Variants in CDK17 observed in about 807,000 individuals in gnomAD.
CDK17 encodes cyclin-dependent kinase 17.
Under a neutral mutation model 77.6 loss-of-function variants are expected in CDK17, and 24 were observed. That is an observed-to-expected ratio of 0.31 (90% CI 0.22 to 0.44). The LOEUF (loss-of-function observed/expected upper bound fraction) is 0.44. Among genes scored for constraint, CDK17 ranks in the 20% least tolerant of loss-of-function variants. The pLI, the probability that CDK17 is intolerant of heterozygous loss-of-function variation, is 1.00. For missense variants in CDK17, 429 were observed against 622.5 expected (o/e 0.69, Z 3.31); for synonymous variants, 203 against 210.4 (o/e 0.96, Z 0.30).
At chr12:96,333,916 T>A (rs1488862791) in intron 2 of CDK17, among the ~76,000 whole-genome samples, 1 of 152,082 alleles carries the variant, frequency 6.6e-6, no homozygotes, top group Non-Finnish European at 1.5e-5. Flanking sequence ...TTTAAGTGTA[T>A]CCAAAATCCA....
intron 1 of CDK17, among the ~76,000 whole-genome samples, chr12:96,363,959 T>C (rs1359893274): frequency 2.0e-5 from 3 of 152,364 alleles, no homozygotes; most frequent in South Asian, 2.1e-4. Context: ...CTTCTGTCTT[T>C]CAGTCCCTTA....
chr12:96,369,383 A>G (rs190323571), intron 1 of CDK17, among the ~76,000 whole-genome samples: 11 of 152,332 alleles, frequency 7.2e-5, no homozygotes, highest in African/African-American at 1.9e-4. Flanking sequence ...CAAATTAAGT[A>G]TTTCTTATAA....
intron 1 of CDK17, chr12:96,387,110 G>T: frequency 6.2e-6 from 2 of 321,388 alleles, no homozygotes; most frequent in South Asian, 3.5e-5. Context: ...CCACACCTGT[G>T]ACTGTTCCAT....
Position 96,355,398 on chromosome 12 carries a change from G to GTTTTTTT in CDK17, c.-29-20540_-29-20534dup, listed in dbSNP as rs58937020. 4.1e-5 allele frequency among the ~76,000 whole-genome samples: 3 copies of GTTTTTTT among 72,476 alleles called. 1 individual carries two copies. Among genetic ancestry groups the GTTTTTTT allele is most frequent in the Non-Finnish European group, 7.2e-5 (3 of 41,828 alleles). 47.5% of individuals were successfully genotyped at this position (72,476 alleles called of 152,430 possible). A position where few individuals can be genotyped will look rare whatever the true frequency, so the allele number is the denominator to read the frequency against. On this transcript the variant is annotated intron_variant, in intron 1 of 16. Transcript: ENST00000261211. Reference sequence around the variant, plus strand: ...CTTGCTGTCTAACATTCTACATTGGGTTTTTTTTTTTTTTTTTTTTTTTGG... The same window carrying GTTTTTTT: ...CTTGCTGTCTAACATTCTACATTGGGTTTTTTTTTTTTTTTTTTTTTTTTTTTTTTGG...
intron 1 of CDK17, among the ~76,000 whole-genome samples, chr12:96,384,020 G>A (rs1428730517): frequency 6.6e-6 from 1 of 151,494 alleles, no homozygotes; most frequent in African/African-American, 2.4e-5. Flanking sequence ...TCCAACAAAG[G>A]ACTAATATTC....
At chr12:96,380,294 T>G (rs1266635398) in intron 1 of CDK17, among the ~76,000 whole-genome samples, 4 of 151,250 alleles carry the variant, frequency 2.6e-5, no homozygotes, top group African/African-American at 9.7e-5. Flanking sequence ...TTTTTTTTTT[T>G]TTTTTTGAGA....
chr12:96,360,794 T>C (rs1394986994), intron 1 of CDK17, among the ~76,000 whole-genome samples: 1 of 152,198 alleles, frequency 6.6e-6, no homozygotes, highest in Non-Finnish European at 1.5e-5. Flanking sequence ...TCAGTAGCTA[T>C]TAATGTGATC....
At chr12:96,345,083 G>A (rs147482986) in intron 1 of CDK17, among the ~76,000 whole-genome samples, 34 of 152,240 alleles carry the variant, frequency 2.2e-4, no homozygotes, top group African/African-American at 7.7e-4. Context: ...GAGGTGTTTG[G>A]TTTTCTGTTT....
rs567326626 is a variant in CDK17 at position 96,343,812 on chromosome 12, A to G, written c.-29-8947T>C. Among the ~76,000 whole-genome samples, 43 of 152,320 alleles carry G rather than the reference A, an allele frequency of 2.8e-4. No homozygotes were observed. In the South Asian group the frequency reaches 8.7e-3, roughly 31 times the overall value. ...AGTGGCTAGGTCTCAACAAATAACC[A>G]CAAAGCACACAAACAGGAAAGCATG... On this transcript the variant is annotated intron_variant, in intron 1 of 16. Coordinates refer to ENST00000261211, the MANE Select transcript of CDK17 (RefSeq NM_002595.5).
Position 96,342,768 on chromosome 12 carries a change from C to T in CDK17, c.-29-7903G>A, listed in dbSNP as rs574417877. Among the ~76,000 whole-genome samples the T allele has an allele frequency of 2.7e-4, 41 of 151,858 alleles. No homozygotes were observed. The East Asian group carries it at 3.9e-3, about 14-fold the overall frequency. ...TCACCTGAGGTTGGGAGTTCAAGACCGCCTGATCAACATGGAGAAACCCCG... is the reference window on the plus strand; with the variant it reads ...TCACCTGAGGTTGGGAGTTCAAGACTGCCTGATCAACATGGAGAAACCCCG... On this transcript the variant is annotated intron_variant, in intron 1 of 16. Coordinates refer to ENST00000261211, the MANE Select transcript of CDK17 (RefSeq NM_002595.5).
At position 96,350,586 on chromosome 12, in the gene CDK17, T is replaced by C. The variant is rs1953295414; in HGVS notation, c.-29-15721A>G. Among the ~76,000 whole-genome samples, 3 of 152,142 alleles carry C rather than the reference T, an allele frequency of 2.0e-5. No individual in the cohort carries two copies. In the South Asian group the frequency reaches 6.2e-4, roughly 32 times the overall value. On this transcript the variant is annotated intron_variant, in intron 1 of 16. Coordinates refer to ENST00000261211, the MANE Select transcript of CDK17 (RefSeq NM_002595.5). ...CCCAAACACAGACTCTCACACCTGATTTTTGACAAAGGTACCAGGACCATT... is the reference window on the plus strand; with the variant it reads ...CCCAAACACAGACTCTCACACCTGACTTTTGACAAAGGTACCAGGACCATT...
At chr12:96,371,456 TATATTTAA>T (rs1229800947) in intron 1 of CDK17, among the ~76,000 whole-genome samples, 2 of 152,188 alleles carry the variant, frequency 1.3e-5, no homozygotes, top group Non-Finnish European at 2.9e-5. Context: ...GAACTAAATA[TATATTTAA>T]ATATTTAAAA....
chr12:96,282,634 T>C, intron 14 of CDK17, 35 bp from the exon 15 acceptor site: 1 of 1,403,508 alleles, frequency 7.1e-7, no homozygotes, highest in Non-Finnish European at 1.0e-6. Context: ...CATTAGCTTT[T>C]TCTCTAATTA....
intron 3 of CDK17, among the ~76,000 whole-genome samples, chr12:96,315,718 A>G (rs1225461654): frequency 6.6e-6 from 1 of 152,186 alleles, no homozygotes; most frequent in Non-Finnish European, 1.5e-5. Flanking sequence ...GCAAAAACAA[A>G]GAGAGGACTG....
At position 96,286,672 on chromosome 12, in the gene CDK17, C is replaced by T. The variant is rs1163127586; in HGVS notation, c.1208G>A (p.Arg403Gln). The change falls in exon 12 of 17, where the codon CGA becomes CAA. Residue 403 changes from arginine (R) to glutamine (Q), a missense_variant. Transcript: ENST00000261211. ...AAGATTTCTTCTGTTACCTAGCAGT[C>T]GGAAAATTAAGTGCAGTTCATCTTC... ...TVEDELHLIF[R>Q]LLGTPSQETW... is the part of the protein sequence containing the mutation. 1.9e-6 allele frequency: 3 copies of T among 1,611,518 alleles called. No individual in the cohort carries two copies. Among genetic ancestry groups the T allele is most frequent in the African/African-American group, 1.3e-5 (1 of 74,810 alleles).
At chr12:96,305,855 G>A (rs902059417) in intron 5 of CDK17, among the ~76,000 whole-genome samples, 7 of 152,046 alleles carry the variant, frequency 4.6e-5, no homozygotes, top group African/African-American at 7.3e-5. Flanking sequence ...GAGTAGCTGG[G>A]ACTACAAAGG....
chr12:96,293,723 C>A (rs1009321197), intron 10 of CDK17, among the ~76,000 whole-genome samples: 3 of 152,128 alleles, frequency 2.0e-5, no homozygotes, highest in Non-Finnish European at 4.4e-5. Context: ...CATGCATTAG[C>A]CATTTGGAAA....
intron 5 of CDK17, among the ~76,000 whole-genome samples, chr12:96,308,229 T>TA (rs61572243): frequency 0.018 from 1,122 of 63,390 alleles, 16 homozygotes; most frequent in Admixed American, 0.026. Context: ...ATGCCATCTC[T>TA]AAAAAAAAAA....
At chr12:96,331,446 C>G (rs1439399531) in intron 2 of CDK17, among the ~76,000 whole-genome samples, 3 of 151,724 alleles carry the variant, frequency 2.0e-5, no homozygotes, top group Non-Finnish European at 4.4e-5. Context: ...TTAAATGAAC[C>G]AAATTTGCAA....
Sources: gnomAD v4.1 joint callset for allele counts (sites outside exome capture counted in the v4.1 genomes callset) on GRCh38, gnomAD v4.1.1 for gene constraint, MANE v1.5 for transcripts, NCBI Gene and HGNC (gene_info 2026-07-23, HGNC 2026-07-21) for gene names.